The following SLC35A5 variants were observed in gnomAD, a reference collection of about 807,000 sequenced individuals.
SLC35A5 encodes the protein UDP-sugar transporter protein SLC35A5.
In SLC35A5, 28 loss-of-function variants were observed where a neutral mutation model predicts 36.3. That is an observed-to-expected ratio of 0.77 (90% confidence interval 0.57 to 1.06). The LOEUF (loss-of-function observed/expected upper bound fraction) is 1.06. Among genes scored for constraint, SLC35A5 ranks in the 50% least tolerant of loss-of-function variants. SLC35A5 has a pLI of 0.00. For synonymous variants in SLC35A5, 180 were observed against 173.7 expected (o/e 1.04, Z -0.29); for missense variants, 521 against 499.3 (o/e 1.04, Z -0.41).
At chr3:112,569,121 C>T in intron 2 of SLC35A5, 50 bp from the exon 3 acceptor site, 1 of 1,383,210 alleles carries the variant, frequency 7.2e-7, no homozygotes, top group Non-Finnish European at 1.0e-6. Context: ...TGTATATAAA[C>T]ATACATGGAA....
At position 112,574,007 on chromosome 3, in the gene SLC35A5, C is replaced by T. The variant is rs373457919; in HGVS notation, c.428+51C>T. On this transcript the variant is annotated intron_variant, in intron 5 of 6. Transcript: ENST00000492406. ...TATCATACTTTAAAATAACATAGCC[C>T]GGTTTCAAATGATATACCCAGAACA... 5.7e-4 allele frequency: 846 copies of T among 1,479,566 alleles called. 3 individuals carry two copies. Among genetic ancestry groups the T allele is most frequent in the South Asian group, 1.9e-3 (164 of 87,578 alleles). 91.7% of individuals were successfully genotyped at this position (1,479,566 alleles called of 1,614,324 possible).
chr3:112,581,963 G>C (rs918588400), intron 6 of SLC35A5, among the ~76,000 whole-genome samples: 1 of 151,844 alleles, frequency 6.6e-6, no homozygotes, highest in African/African-American at 2.4e-5. Context: ...ATATCTCCCA[G>C]TTGCTTGCAA....
At position 112,579,805 on chromosome 3, in the gene SLC35A5, G is replaced by A. The variant is rs553735493; in HGVS notation, c.429-741G>A. Reference sequence around the variant, plus strand: ...AACATGGAGATAAGTCATCTTTATCGCCCCAGGTTGCCTGGCACGTAGTAG... The same window carrying A: ...AACATGGAGATAAGTCATCTTTATCACCCCAGGTTGCCTGGCACGTAGTAG... On this transcript the variant is annotated intron_variant, in intron 5 of 6. Transcript: ENST00000492406. 3.3e-5 allele frequency among the ~76,000 whole-genome samples: 5 copies of A among 152,030 alleles called. No individual in the cohort carries two copies. The South Asian group carries it at 6.2e-4, about 19-fold the overall frequency.
intron 4 of SLC35A5, among the ~76,000 whole-genome samples, chr3:112,572,196 C>CA (rs1934478295): frequency 4.0e-5 from 6 of 151,684 alleles, no homozygotes; most frequent in African/African-American, 1.5e-4. Context: ...CCCGCCTCGG[C>CA]CTCCCAAAGT....
intron 5 of SLC35A5, among the ~76,000 whole-genome samples, chr3:112,579,575 A>AT (rs955482412): frequency 6.1e-4 from 92 of 152,010 alleles, no homozygotes; most frequent in African/African-American, 2.0e-3. Flanking sequence ...GCCTGGATAT[A>AT]TCACCACCTC....
chr3:112,573,333 T>C (rs1210312697), intron 4 of SLC35A5, among the ~76,000 whole-genome samples: 3 of 152,230 alleles, frequency 2.0e-5, no homozygotes, highest in Non-Finnish European at 4.4e-5. Flanking sequence ...CAAATGGTTT[T>C]AAAATCTGGC....
rs1262064078 is a variant in SLC35A5, at chr3:112,569,392, A to G, written c.229+123A>G. 27 of 729,768 alleles carry G rather than the reference A, an allele frequency of 3.7e-5. No individual in the cohort carries two copies. The Admixed American group carries it at 5.1e-4, about 14-fold the overall frequency. 45.2% of individuals were successfully genotyped at this position (729,768 alleles called of 1,614,324 possible). ...ATTTTATATGAGGAAGCTAAGATAC[A>G]AACATAAGTATGTTTTAGAGGTGGA... is the stretch of plus-strand genomic sequence containing the variant. On this transcript the variant is annotated intron_variant, in intron 3 of 6. Coordinates refer to ENST00000492406, the MANE Select transcript of SLC35A5 (RefSeq NM_017945.5).
At position 112,563,423 on chromosome 3, in the gene SLC35A5, G is replaced by A. The variant is rs1559853716; in HGVS notation, c.20G>A (p.Ser7Asn). The A allele has an allele frequency of 6.4e-7, 1 of 1,574,512 alleles. No homozygotes were observed. Among genetic ancestry groups the A allele is most frequent in the East Asian group, 2.3e-5 (1 of 43,920 alleles). ...AGTGGAATGGAAAAACAGTGCTGTA[G>A]TCATCCTGTAATATGCTCCTTGTCA... MEKQCCSHPVICSLSTM... is the reference protein window; with the variant it reads MEKQCCNHPVICSLSTM... Residue 7 changes from serine (S) to asparagine (N), a missense_variant, in exon 2 of 7, where the codon AGT becomes AAT. Physicochemically the swap from Ser to Asn is conservative, Grantham distance 46 (BLOSUM62 1). Coordinates refer to ENST00000492406, the MANE Select transcript of SLC35A5 (RefSeq NM_017945.5).
chr3:112,581,104 C>T lies in SLC35A5; in HGVS notation c.987C>T (p.Asn329=). 1.2e-6 allele frequency: 2 copies of T among 1,614,034 alleles called. No individual in the cohort carries two copies. The highest frequency in any genetic ancestry group is 2.2e-5 in the East Asian group (1 of 44,882). The change falls in exon 6 of 7, where the codon AAC becomes AAT. Residue 329 remains asparagine (N), a synonymous_variant. Coordinates refer to ENST00000492406, the MANE Select transcript of SLC35A5 (RefSeq NM_017945.5). ...SVAFILKFLD[N]MFHVLMAQVT... ...CTTTCATTCTGAAGTTCCTGGATAA[C>T]ATGTTCCATGTCTTGATGGCCCAGG...
upstream of SLC35A5, chr3:112,561,542 T>G (rs768569354): frequency 6.3e-7 from 1 of 1,596,682 alleles, no homozygotes; most frequent in South Asian, 1.1e-5. Context: ...GGGGCCGGAG[T>G]AGCGGCCGGC....
intron 4 of SLC35A5, 75 bp downstream of exon 4, chr3:112,570,745 C>G: frequency 7.8e-7 from 1 of 1,287,168 alleles, no homozygotes; most frequent in Non-Finnish European, 1.0e-6. Flanking sequence ...TTTTTTTTAT[C>G]ATTTTTGTTG....
At chr3:112,576,296 T>C (rs1263774960) in intron 5 of SLC35A5, among the ~76,000 whole-genome samples, 1 of 150,684 alleles carries the variant, frequency 6.6e-6, no homozygotes, top group Non-Finnish European at 1.5e-5. Flanking sequence ...CCTGGCTAAT[T>C]TTTTGTATTT....
At chr3:112,565,670 A>C (rs927495918) in intron 2 of SLC35A5, among the ~76,000 whole-genome samples, 2 of 152,138 alleles carry the variant, frequency 1.3e-5, no homozygotes, top group African/African-American at 4.8e-5. Context: ...CCCAGCTATG[A>C]GGGAGACTGA....
intron 3 of SLC35A5, 53 bp from the exon 4 acceptor site, chr3:112,570,487 C>A: frequency 6.5e-7 from 1 of 1,547,964 alleles, no homozygotes; most frequent in Non-Finnish European, 8.7e-7. Context: ...TGTAATTTCT[C>A]TAAAAATGTG....
chr3:112,561,713 C>T, upstream of SLC35A5: 2 of 605,024 alleles, frequency 3.3e-6, no homozygotes, highest in Non-Finnish European at 5.6e-6. Context: ...GCAGGCACAG[C>T]GCGCGAAGAC....
intron 2 of SLC35A5, among the ~76,000 whole-genome samples, chr3:112,565,338 C>T (rs985024187): frequency 7.9e-5 from 12 of 152,134 alleles, no homozygotes; most frequent in African/African-American, 2.9e-4. Context: ...GAGAACACTT[C>T]GCTGATTAGA....
chr3:112,567,802 A>C (rs560634357), intron 2 of SLC35A5, among the ~76,000 whole-genome samples: 7 of 152,362 alleles, frequency 4.6e-5, no homozygotes, highest in African/African-American at 1.7e-4. Flanking sequence ...ACCACTGAAA[A>C]GCAAGAACAA....
chr3:112,577,571 TA>T (rs1445729792), intron 5 of SLC35A5, among the ~76,000 whole-genome samples: 1 of 152,218 alleles, frequency 6.6e-6, no homozygotes, highest in Admixed American at 6.5e-5. Context: ...AATACCAACC[TA>T]AACATTGAGA....
chr3:112,579,511 C>T (rs1451907402), intron 5 of SLC35A5, among the ~76,000 whole-genome samples: 1 of 151,970 alleles, frequency 6.6e-6, no homozygotes, highest in East Asian at 1.9e-4. Flanking sequence ...TGAGATATTC[C>T]TCTTTGTCAA....
Sources: gnomAD v4.1 joint callset for allele counts (sites outside exome capture counted in the v4.1 genomes callset) on GRCh38, gnomAD v4.1.1 for gene constraint, MANE v1.5 for transcripts, NCBI Gene and HGNC (gene_info 2026-07-23, HGNC 2026-07-21) for gene names.